RORA: variants seen among roughly 807,000 people sequenced by gnomAD.
RORA encodes RAR related orphan receptor A.
RORA carries 7 observed loss-of-function variants against 69.5 expected under a neutral mutation model. The ratio of observed to expected loss-of-function variants is 0.10; its 90% CI spans 0.06 to 0.19. The LOEUF is 0.19. RORA is among the 10% of genes least tolerant of loss of function. RORA has a pLI of 1.00. For missense variants in RORA, 457 were observed against 663.0 expected, an observed-to-expected ratio of 0.69 and a Z score of 3.41; for synonymous variants, 261 against 240.8, an observed-to-expected ratio of 1.08 and a Z score of -0.78.
intron 2 of RORA, among the ~76,000 whole-genome samples, chr15:60,568,712 T>G (rs1052718837): frequency 1.1e-4 from 17 of 152,344 alleles, no homozygotes; most frequent in African/African-American, 4.1e-4. Context: ...CTCACTCACC[T>G]GAGAGCTTCT....
chr15:61,087,390 C>A (rs986552504), intron 1 of RORA, among the ~76,000 whole-genome samples: 1 of 152,214 alleles, frequency 6.6e-6, no homozygotes, highest in Non-Finnish European at 1.5e-5. Flanking sequence ...CTCCTTTTTC[C>A]TGGCTCTCAG....
intron 1 of RORA, among the ~76,000 whole-genome samples, chr15:60,983,281 T>G (rs1238462281): frequency 6.6e-6 from 1 of 152,214 alleles, no homozygotes; most frequent in African/African-American, 2.4e-5. Flanking sequence ...AATAGACTCT[T>G]TGTAGCAATA....
intron 2 of RORA, among the ~76,000 whole-genome samples, chr15:60,573,444 T>G (rs2067939957): frequency 6.6e-6 from 1 of 152,108 alleles, no homozygotes; most frequent in African/African-American, 2.4e-5. Context: ...TTTTATCTCT[T>G]GAAATAATTA....
intron 6 of RORA, among the ~76,000 whole-genome samples, chr15:60,504,687 T>C (rs901777926): frequency 2.6e-5 from 4 of 152,252 alleles, no homozygotes; most frequent in African/African-American, 7.2e-5. Context: ...GCTGCTGGCA[T>C]TACCTGCTAC....
At chr15:60,590,623 T>G (rs2068472101) in intron 2 of RORA, among the ~76,000 whole-genome samples, 2 of 152,070 alleles carry the variant, frequency 1.3e-5, no homozygotes, top group Admixed American at 1.3e-4. Flanking sequence ...AAAAAATGCT[T>G]TAACTGCAGA....
intron 1 of RORA, among the ~76,000 whole-genome samples, chr15:60,763,336 T>C (rs1595695273): frequency 6.6e-6 from 1 of 152,006 alleles, no homozygotes; most frequent in South Asian, 2.1e-4. Context: ...TGGTCTTGGG[T>C]TAACCGGTCC....
At chr15:60,505,080 T>G (rs1013736069) in intron 6 of RORA, among the ~76,000 whole-genome samples, 5 of 152,204 alleles carry the variant, frequency 3.3e-5, no homozygotes, top group Admixed American at 3.3e-4. Flanking sequence ...GCTTCTAAAT[T>G]TTTTTTGTAT....
rs543258308 is a variant in RORA, at chr15:60,853,789, A to G, written c.167-175103T>C. Among the ~76,000 whole-genome samples the G allele has an allele frequency of 6.6e-4, 101 of 152,328 alleles. 5 individuals carry two copies. The South Asian group carries it at 0.02, about 30-fold the overall frequency. ...GAACACTGGACTTGGAGTCAGATAG[A>G]CCTGCATTCAAATCTCAATTGTTGT... On this transcript the variant is annotated intron_variant, in intron 1 of 10. Transcript: ENST00000335670.
chr15:61,065,687 C>T (rs2078247956), intron 1 of RORA, among the ~76,000 whole-genome samples: 1 of 152,140 alleles, frequency 6.6e-6, no homozygotes, highest in African/African-American at 2.4e-5. Flanking sequence ...TGGTTGCTTC[C>T]TACTCTTGCA....
chr15:60,767,944 A>C (rs2072015002), intron 1 of RORA, among the ~76,000 whole-genome samples: 1 of 152,150 alleles, frequency 6.6e-6, no homozygotes, highest in African/African-American at 2.4e-5. Context: ...CATCTCGTTC[A>C]TCACTCTACA....
intron 1 of RORA, among the ~76,000 whole-genome samples, chr15:61,062,603 C>A (rs2078202232): frequency 6.6e-6 from 1 of 152,152 alleles, no homozygotes; most frequent in African/African-American, 2.4e-5. Flanking sequence ...TGTCTGTGAC[C>A]CCTGCTTCTC....
At position 61,116,232 on chromosome 15, in the gene RORA, T is replaced by C. The variant is rs193028563; in HGVS notation, c.166+112821A>G. Among the ~76,000 whole-genome samples, 9 of 152,226 alleles carry C rather than the reference T, an allele frequency of 5.9e-5. No individual in the cohort carries two copies. The East Asian group carries it at 1.4e-3, about 23-fold the overall frequency. On this transcript the variant is annotated intron_variant, in intron 1 of 10. Coordinates refer to ENST00000335670, the MANE Select transcript of RORA (RefSeq NM_134261.3). ...GGCATTGGAATGAAGACGGTGAATA[T>C]AGGAATGCAAATTAGTAAATTAGGC...
At chr15:60,666,613 G>A (rs897954513) in intron 2 of RORA, among the ~76,000 whole-genome samples, 1 of 152,174 alleles carries the variant, frequency 6.6e-6, no homozygotes, top group African/African-American at 2.4e-5. Context: ...AATTGGAGAA[G>A]GCTTTGCACG....
At chr15:60,805,973 C>T (rs542085268) in intron 1 of RORA, among the ~76,000 whole-genome samples, 8 of 152,224 alleles carry the variant, frequency 5.3e-5, no homozygotes, top group Non-Finnish European at 1.2e-4. Context: ...CAATTCTTCT[C>T]TCTGTCCCAG....
At chr15:60,900,503 C>T (rs913036171) in intron 1 of RORA, among the ~76,000 whole-genome samples, 6 of 152,130 alleles carry the variant, frequency 3.9e-5, no homozygotes, top group South Asian at 2.1e-4. Flanking sequence ...GGGTCCAATA[C>T]GGGACTCTTC....
intron 1 of RORA, among the ~76,000 whole-genome samples, chr15:60,909,495 G>A (rs998167945): frequency 2.6e-5 from 4 of 152,008 alleles, no homozygotes; most frequent in East Asian, 1.9e-4. Context: ...TTTATCGAAC[G>A]ATTGAACCCT....
chr15:61,132,378 T>C (rs1401169432), intron 1 of RORA, among the ~76,000 whole-genome samples: 2 of 152,204 alleles, frequency 1.3e-5, no homozygotes, highest in Non-Finnish European at 2.9e-5. Context: ...TACAGCTCGA[T>C]TGTTCTTGCT....
chr15:60,549,187 A>G (rs1263729685), intron 2 of RORA, among the ~76,000 whole-genome samples: 1 of 152,236 alleles, frequency 6.6e-6, no homozygotes, highest in Non-Finnish European at 1.5e-5. Context: ...TGTTGGATGG[A>G]GTTAATGATA....
At chr15:61,047,212 T>C (rs12441337) in intron 1 of RORA, among the ~76,000 whole-genome samples, 1,637 of 152,344 alleles carry the variant, frequency 0.011, 86 homozygotes, top group Admixed American at 0.085. Flanking sequence ...ATGCCCAGCA[T>C]CCAGGGATTT....
Sources: allele counts gnomAD v4.1 joint callset (sites outside exome capture counted in the v4.1 genomes callset), GRCh38; gene constraint gnomAD v4.1.1; transcripts MANE v1.5; gene names NCBI Gene and HGNC (gene_info 2026-07-23, HGNC 2026-07-21).